The following MYO16 variants were observed in gnomAD, a reference collection of about 807,000 sequenced individuals.
The protein encoded by MYO16 is unconventional myosin-XVI.
MYO16 carries 94 observed loss-of-function variants against 205.3 expected under a neutral mutation model. The observed-to-expected ratio is 0.46, with a 90% CI of 0.39 to 0.54. The LOEUF (loss-of-function observed/expected upper bound fraction) is 0.54. Ranked by LOEUF, MYO16 falls within the 20% of genes least tolerant of loss-of-function variation. MYO16 has a pLI of 0.00. For synonymous variants in MYO16, 988 were observed against 954.0 expected, an observed-to-expected ratio of 1.04 and a Z score of -0.66; for missense variants, 2,315 against 2,387.5, an observed-to-expected ratio of 0.97 and a Z score of 0.63.
At chr13:108,787,409 G>C (rs549936249) in intron 5 of MYO16, among the ~76,000 whole-genome samples, 1 of 152,258 alleles carries the variant, frequency 6.6e-6, no homozygotes, top group East Asian at 1.9e-4. Context: ...ATTATTTCCT[G>C]CTTTTTCTGT....
intron 33 of MYO16, among the ~76,000 whole-genome samples, chr13:109,173,054 G>A (rs1878985333): frequency 6.6e-6 from 1 of 152,322 alleles, no homozygotes; most frequent in South Asian, 2.1e-4. Context: ...GGAGTTCAGG[G>A]GAAGGGTCTA....
chr13:108,527,145 A>T, the MYO16 span, among the ~76,000 whole-genome samples: 1 of 152,224 alleles, frequency 6.6e-6, no homozygotes, highest in Non-Finnish European at 1.5e-5. Context: ...CGGCTTTCTA[A>T]GACAAATTTC....
In MYO16 at chr13:108,865,780, C is replaced by T. The variant is rs371769814; in HGVS notation, c.1360-397C>T. Among the ~76,000 whole-genome samples, 343 of 152,130 alleles carry T rather than the reference C, an allele frequency of 2.3e-3. 1 individual carries two copies. The highest frequency in any genetic ancestry group is 8.0e-3 in the African/African-American group (331 of 41,550). Reference sequence around the variant, plus strand: ...ATTATTGTGCTTTACTAACTTCTCACTTATGCAGTTTATTATTCTGTAGCA... The same window carrying T: ...ATTATTGTGCTTTACTAACTTCTCATTTATGCAGTTTATTATTCTGTAGCA... On this transcript the variant is annotated intron_variant, in intron 11 of 34. Transcript: ENST00000457511.
chr13:108,940,736 C>G (rs569987515), intron 16 of MYO16, among the ~76,000 whole-genome samples: 2 of 152,080 alleles, frequency 1.3e-5, no homozygotes, highest in Non-Finnish European at 2.9e-5. Flanking sequence ...AATGAAGCAC[C>G]AGCTGCACTG....
chr13:108,714,210 C>T (rs1050219462), intron 3 of MYO16, among the ~76,000 whole-genome samples: 14 of 152,134 alleles, frequency 9.2e-5, no homozygotes, highest in Admixed American at 3.9e-4. Flanking sequence ...CACCCGCCAT[C>T]ACGCCCAGCG....
intron 34 of MYO16, among the ~76,000 whole-genome samples, chr13:109,187,648 T>A: frequency 6.6e-6 from 1 of 152,214 alleles, no homozygotes; most frequent in East Asian, 1.9e-4. Context: ...GCTTTCCAAG[T>A]ATTTGGGGTT....
intron 1 of MYO16, among the ~76,000 whole-genome samples, chr13:108,612,158 C>T (rs188285880): frequency 6.6e-6 from 1 of 151,744 alleles, no homozygotes; most frequent in African/African-American, 2.4e-5. Context: ...TTTTATTTGC[C>T]CATTTAGTTG....
chr13:108,934,291 T>C (rs915874799), intron 16 of MYO16, among the ~76,000 whole-genome samples: 1 of 152,114 alleles, frequency 6.6e-6, no homozygotes, highest in African/African-American at 2.4e-5. Context: ...GCCATTCTGA[T>C]TGGTATGAAA....
At chr13:108,703,852 C>T (rs1159600937) in intron 2 of MYO16, among the ~76,000 whole-genome samples, 3 of 152,142 alleles carry the variant, frequency 2.0e-5, no homozygotes, top group African/African-American at 7.2e-5. Context: ...CCTTAGCCCC[C>T]AGTAAATCAG....
intron 23 of MYO16, among the ~76,000 whole-genome samples, chr13:109,042,985 G>GT (rs528361523): frequency 2.6e-5 from 4 of 152,166 alleles, no homozygotes; most frequent in South Asian, 2.1e-4. Flanking sequence ...CCAAATGGGA[G>GT]TTTTTTTACT....
Position 109,206,699 on chromosome 13 carries a change from G to A in MYO16, c.5506G>A (p.Asp1836Asn). 6.2e-7 allele frequency: 1 copy of A among 1,614,180 alleles called. No homozygotes were observed. ...GAGAAAGCTCTGTGAGGAAGGACAAGACTGGCAGCAGATCCTGCACCACGC... is the reference window on the plus strand; with the variant it reads ...GAGAAAGCTCTGTGAGGAAGGACAAAACTGGCAGCAGATCCTGCACCACGC... ...WRRKLCEEGQ[D>N]WQQILHHAEP... Residue 1836 changes from aspartate to asparagine, a missense_variant, in exon 35 of 35, where the codon GAC becomes AAC. By Grantham distance (23) the Asp-to-Asn change is conservative. Coordinates refer to ENST00000457511, the MANE Select transcript of MYO16 (RefSeq NM_001198950.3).
intron 9 of MYO16, among the ~76,000 whole-genome samples, chr13:108,826,601 T>TG (rs1477542425): frequency 6.6e-6 from 1 of 150,828 alleles, no homozygotes; most frequent in East Asian, 1.9e-4. Flanking sequence ...AATAAGAAAG[T>TG]GAAAAAAAAG....
At chr13:109,034,693 T>C (rs1008380052) in intron 23 of MYO16, among the ~76,000 whole-genome samples, 1 of 152,222 alleles carries the variant, frequency 6.6e-6, no homozygotes, top group African/African-American at 2.4e-5. Flanking sequence ...ATTAAAAATT[T>C]AGTCTTTTAA....
chr13:108,670,175 T>A (rs1209081452), intron 2 of MYO16, among the ~76,000 whole-genome samples: 3 of 152,226 alleles, frequency 2.0e-5, no homozygotes, highest in African/African-American at 7.2e-5. Flanking sequence ...AGCAAGCCTG[T>A]GCACATGCAT....
chr13:109,180,641 C>G (rs1391158050), intron 34 of MYO16, among the ~76,000 whole-genome samples: 1 of 152,124 alleles, frequency 6.6e-6, no homozygotes, highest in Non-Finnish European at 1.5e-5. Flanking sequence ...TGAGATTTTT[C>G]TAAATAACAC....
chr13:108,562,803 G>T, the MYO16 span, among the ~76,000 whole-genome samples: 8 of 152,286 alleles, frequency 5.3e-5, no homozygotes, highest in Middle Eastern at 0.024. Context: ...GGAGCAATAG[G>T]CTATACCATA....
intron 9 of MYO16, among the ~76,000 whole-genome samples, chr13:108,835,736 A>G (rs1326775231): frequency 6.6e-6 from 1 of 152,182 alleles, no homozygotes; most frequent in East Asian, 1.9e-4. Context: ...AACTGGAACA[A>G]AGGTGACACT....
At chr13:109,063,927 T>TA (rs1296977986) in intron 27 of MYO16, among the ~76,000 whole-genome samples, 1 of 152,178 alleles carries the variant, frequency 6.6e-6, no homozygotes, top group Admixed American at 6.5e-5. Flanking sequence ...TCCTCTCCTT[T>TA]GGAAGACATT....
At chr13:108,591,548 A>G (rs1244910337), upstream of MYO16, among the ~76,000 whole-genome samples, 1 of 152,140 alleles carries the variant, frequency 6.6e-6, no homozygotes, top group Non-Finnish European at 1.5e-5. Flanking sequence ...TTTAGCTTAC[A>G]GTCAATGGCT....
Sources: allele counts gnomAD v4.1 joint callset (sites outside exome capture counted in the v4.1 genomes callset), GRCh38; gene constraint gnomAD v4.1.1; transcripts MANE v1.5; gene names NCBI Gene and HGNC (gene_info 2026-07-23, HGNC 2026-07-21).